The following TRIO variants were observed in gnomAD, a reference collection of about 807,000 sequenced individuals.
TRIO encodes triple functional domain protein.
In TRIO, 58 loss-of-function variants were observed where a neutral mutation model predicts 351.9. The ratio of observed to expected loss-of-function variants is 0.16; its 90% CI spans 0.13 to 0.21. The LOEUF is 0.21. Among genes scored for constraint, TRIO ranks in the 10% least tolerant of loss-of-function variants. The pLI is 1.00. For missense variants in TRIO, 3,201 were observed against 4,027.8 expected (o/e 0.79, Z 5.56); for synonymous variants, 1,758 against 1,595.7 (o/e 1.10, Z -2.42).
intron 34 of TRIO, among the ~76,000 whole-genome samples, chr5:14,428,394 T>A (rs1051254861): frequency 2.0e-5 from 3 of 152,206 alleles, no homozygotes; most frequent in African/African-American, 7.2e-5. Flanking sequence ...GGTTTTTTTT[T>A]AATTAGCTTG....
chr5:14,497,467 C>T lies in TRIO; in HGVS notation c.8020-380C>T, dbSNP rs1756979470. On this transcript the variant is annotated intron_variant, in intron 50 of 56. Coordinates refer to ENST00000344204, the MANE Select transcript of TRIO (RefSeq NM_007118.4). This position sits in a 1 kb window ranked among gnomAD's most constrained non-coding sequence, Gnocchi z 4.4. ...CTTCAGTCAGCTTTAGTCCTATAAT[C>T]GGATTGCCTGACACCTGCGGTGGGG... 1.3e-5 allele frequency among the ~76,000 whole-genome samples: 2 copies of T among 152,148 alleles called. No homozygotes were observed. The highest frequency in any genetic ancestry group is 1.5e-5 in the Non-Finnish European group (1 of 68,038).
intron 19 of TRIO, among the ~76,000 whole-genome samples, chr5:14,375,737 C>T (rs1191174473): frequency 6.6e-6 from 1 of 152,198 alleles, no homozygotes; most frequent in South Asian, 2.1e-4. Context: ...GTTTGCTGCT[C>T]ACTTGCCCGA....
At chr5:14,369,215 A>G (rs990364662) in intron 17 of TRIO, among the ~76,000 whole-genome samples, 159 bp from the exon 18 acceptor site, 2 of 152,154 alleles carry the variant, frequency 1.3e-5, no homozygotes, top group African/African-American at 2.4e-5. Context: ...TTGACCCTGT[A>G]GTTGTTCTCC....
At chr5:14,332,790 T>C (rs1342215328) in intron 10 of TRIO, among the ~76,000 whole-genome samples, 1 of 152,200 alleles carries the variant, frequency 6.6e-6, no homozygotes, top group African/African-American at 2.4e-5. Flanking sequence ...TGCTGTAAAA[T>C]GATACCTAAC....
At chr5:14,297,433 G>A in intron 7 of TRIO, 170 bp downstream of exon 7, 1 of 751,764 alleles carries the variant, frequency 1.3e-6, no homozygotes, top group Non-Finnish European at 2.1e-6. Context: ...AGTCCTTGCT[G>A]CGTAACCTTA....
At chr5:14,483,121 C>T (rs1755656417) in intron 46 of TRIO, among the ~76,000 whole-genome samples, 1 of 152,184 alleles carries the variant, frequency 6.6e-6, no homozygotes, top group Non-Finnish European at 1.5e-5. Flanking sequence ...AGAAAAAGTT[C>T]ACTCGGTGTC....
intron 1 of TRIO, among the ~76,000 whole-genome samples, chr5:14,262,933 C>T (rs190468087): frequency 6.6e-6 from 1 of 152,214 alleles, no homozygotes; most frequent in African/African-American, 2.4e-5. Flanking sequence ...ACCTATCAGT[C>T]AAAACCCACT....
chr5:14,500,905 A>C (rs1232930030), intron 53 of TRIO, among the ~76,000 whole-genome samples: 2 of 151,128 alleles, frequency 1.3e-5, no homozygotes, highest in Admixed American at 6.6e-5. Flanking sequence ...AAAAAAAAAA[A>C]AAAAAAAACA....
chr5:14,323,488 G>A (rs944321534), intron 9 of TRIO, among the ~76,000 whole-genome samples: 1 of 150,524 alleles, frequency 6.6e-6, no homozygotes, highest in Non-Finnish European at 1.5e-5. Flanking sequence ...GCAATTGCCC[G>A]TGACCATGAA....
intron 34 of TRIO, among the ~76,000 whole-genome samples, chr5:14,450,278 C>T (rs1752763524): frequency 6.6e-6 from 1 of 152,188 alleles, no homozygotes; most frequent in Non-Finnish European, 1.5e-5. Flanking sequence ...AGTGTGTTCT[C>T]ATTTTCATAA....
At chr5:14,464,551 C>G (rs1754102658) in intron 36 of TRIO, among the ~76,000 whole-genome samples, 1 of 152,122 alleles carries the variant, frequency 6.6e-6, no homozygotes, top group African/African-American at 2.4e-5. Context: ...GCTCAATTTC[C>G]TTACCTTTCC....
chr5:14,302,191 T>C (rs1216167414), intron 7 of TRIO, among the ~76,000 whole-genome samples: 1 of 152,242 alleles, frequency 6.6e-6, no homozygotes, highest in Non-Finnish European at 1.5e-5. Flanking sequence ...GATTTTGATA[T>C]AGTGATATGT....
intron 1 of TRIO, among the ~76,000 whole-genome samples, chr5:14,170,594 C>A (rs1789040542): frequency 6.6e-6 from 1 of 151,154 alleles, no homozygotes; most frequent in Non-Finnish European, 1.5e-5. Flanking sequence ...GCAACGTCCA[C>A]CTCCTGGGTT....
intron 3 of TRIO, among the ~76,000 whole-genome samples, chr5:14,284,020 A>G (rs1025809547): frequency 6.6e-6 from 1 of 152,148 alleles, no homozygotes; most frequent in African/African-American, 2.4e-5. Flanking sequence ...TGGTTGCTAA[A>G]TATTAACAGA....
chr5:14,345,740 A>G (rs1217199467), intron 11 of TRIO, among the ~76,000 whole-genome samples: 1 of 152,178 alleles, frequency 6.6e-6, no homozygotes, highest in Non-Finnish European at 1.5e-5. Context: ...AGGTTTCACC[A>G]CGTTGGCCAG....
intron 1 of TRIO, among the ~76,000 whole-genome samples, chr5:14,171,212 A>T (rs1179885005): frequency 2.6e-5 from 4 of 152,330 alleles, no homozygotes; most frequent in African/African-American, 7.2e-5. Flanking sequence ...ATGACCACAA[A>T]GAACTGTACA....
At chr5:14,282,100 T>C (rs1721515252) in intron 3 of TRIO, among the ~76,000 whole-genome samples, 1 of 152,232 alleles carries the variant, frequency 6.6e-6, no homozygotes, top group South Asian at 2.1e-4. Flanking sequence ...AAACTATCAC[T>C]GTGTGGCATC....
chr5:14,240,585 A>G (rs1037526437), intron 1 of TRIO, among the ~76,000 whole-genome samples: 1 of 152,254 alleles, frequency 6.6e-6, no homozygotes, highest in African/African-American at 2.4e-5. Context: ...TCTGTTAACC[A>G]GTCAGCCACT....
At chr5:14,463,011 C>T (rs939284611) in intron 36 of TRIO, 86 bp downstream of exon 36, 6 of 1,428,292 alleles carry the variant, frequency 4.2e-6, no homozygotes, top group Non-Finnish European at 5.5e-6. Flanking sequence ...AGCCTCATTT[C>T]AGGAGACAGG....
Sources: gnomAD v4.1 joint callset for allele counts (sites outside exome capture counted in the v4.1 genomes callset) on GRCh38, gnomAD v4.1.1 for gene constraint, Gnocchi (gnomAD v3.1) non-coding constraint, MANE v1.5 for transcripts, NCBI Gene and HGNC (gene_info 2026-07-23, HGNC 2026-07-21) for gene names.